Variants in ZBTB7C observed in about 807,000 individuals in gnomAD.
The protein encoded by ZBTB7C is zinc finger and BTB domain-containing protein 7C.
ZBTB7C carries 8 observed loss-of-function variants against 25.7 expected under a neutral mutation model. The observed-to-expected ratio is 0.31, with a 90% CI of 0.18 to 0.56. The LOEUF is 0.56. ZBTB7C is among the 20% of genes least tolerant of loss of function. The pLI, the probability that ZBTB7C is intolerant of heterozygous loss-of-function variation, is 0.91. For missense variants in ZBTB7C, 824 were observed against 855.2 expected, an observed-to-expected ratio of 0.96 and a Z score of 0.46; for synonymous variants, 394 against 369.0, an observed-to-expected ratio of 1.07 and a Z score of -0.78.
intron 3 of ZBTB7C, among the ~76,000 whole-genome samples, chr18:48,084,998 C>T (rs1045841536): frequency 9.2e-5 from 14 of 152,146 alleles, no homozygotes; most frequent in African/African-American, 3.4e-4. Context: ...CAAACCTGTA[C>T]TTTAGCCCAC....
intron 4 of ZBTB7C, among the ~76,000 whole-genome samples, chr18:48,039,267 A>T (rs1161494701): frequency 1.3e-5 from 2 of 152,196 alleles, no homozygotes; most frequent in East Asian, 3.9e-4. Flanking sequence ...ACCTACAGGC[A>T]TCTCTGCAGT....
intron 2 of ZBTB7C, among the ~76,000 whole-genome samples, chr18:48,218,079 G>C (rs1019293948): frequency 2.8e-4 from 42 of 152,280 alleles, no homozygotes; most frequent in African/African-American, 9.4e-4. Flanking sequence ...GCACCTGCAA[G>C]TCCAGGGTGC....
intron 4 of ZBTB7C, among the ~76,000 whole-genome samples, chr18:48,039,592 G>GAAGA (rs2036125778): frequency 1.3e-5 from 2 of 152,242 alleles, no homozygotes; most frequent in Non-Finnish European, 2.9e-5. Flanking sequence ...GCTGGAAGGA[G>GAAGA]AAGAGGAAGC....
intron 2 of ZBTB7C, among the ~76,000 whole-genome samples, chr18:48,293,555 A>G (rs1290509611): frequency 6.6e-6 from 1 of 152,186 alleles, no homozygotes; most frequent in Non-Finnish European, 1.5e-5. Flanking sequence ...TGGGGGAGAT[A>G]CTAATAAACT....
chr18:48,380,389 GT>G (rs1424496634), intron 1 of ZBTB7C, among the ~76,000 whole-genome samples: 1 of 152,202 alleles, frequency 6.6e-6, no homozygotes, highest in Admixed American at 6.5e-5. Flanking sequence ...GGAATGGGAA[GT>G]TACAAATAAG....
chr18:48,284,520 G>A (rs1162643434), intron 2 of ZBTB7C, among the ~76,000 whole-genome samples: 3 of 151,968 alleles, frequency 2.0e-5, no homozygotes, highest in Middle Eastern at 3.2e-3. Flanking sequence ...CCGGCTGGGC[G>A]TGGTGGCTTA....
At chr18:48,216,720 G>A (rs930711322) in intron 2 of ZBTB7C, among the ~76,000 whole-genome samples, 1 of 152,026 alleles carries the variant, frequency 6.6e-6, no homozygotes, top group Non-Finnish European at 1.5e-5. Context: ...TCCTGAGCCC[G>A]CTCAGTCCAT....
At chr18:48,207,839 AC>A (rs1599104184) in intron 2 of ZBTB7C, among the ~76,000 whole-genome samples, 1 of 152,232 alleles carries the variant, frequency 6.6e-6, no homozygotes, top group East Asian at 1.9e-4. Context: ...AAACTGCTGT[AC>A]AATGATACAA....
intron 3 of ZBTB7C, among the ~76,000 whole-genome samples, chr18:48,177,472 C>T (rs768388125): frequency 6.6e-6 from 1 of 152,206 alleles, no homozygotes; most frequent in Admixed American, 6.5e-5. Flanking sequence ...CATCTCTCCT[C>T]TTCCAGGGAA....
intron 2 of ZBTB7C, among the ~76,000 whole-genome samples, chr18:48,279,158 C>T (rs568973689): frequency 6.6e-6 from 1 of 152,058 alleles, no homozygotes; most frequent in Non-Finnish European, 1.5e-5. Flanking sequence ...CCCCCCGGCA[C>T]CCCCACTCCT....
intron 2 of ZBTB7C, among the ~76,000 whole-genome samples, chr18:48,297,957 A>G (rs982159719): frequency 3.3e-5 from 5 of 152,274 alleles, no homozygotes; most frequent in Middle Eastern, 3.4e-3. Flanking sequence ...TTGTCTGTGC[A>G]GTCACTGAGT....
intron 2 of ZBTB7C, among the ~76,000 whole-genome samples, chr18:48,297,707 C>T (rs751157674): frequency 3.9e-5 from 6 of 152,194 alleles, no homozygotes; most frequent in South Asian, 2.1e-4. Context: ...GTCAGAAGTG[C>T]CATACATCAC....
chr18:48,244,084 A>G (rs545482257), intron 2 of ZBTB7C, among the ~76,000 whole-genome samples: 3 of 152,330 alleles, frequency 2.0e-5, no homozygotes, highest in African/African-American at 7.2e-5. Context: ...AGAAGATAAC[A>G]TCACAAAAAC....
At chr18:48,206,061 G>A (rs1480199656) in intron 2 of ZBTB7C, among the ~76,000 whole-genome samples, 1 of 152,164 alleles carries the variant, frequency 6.6e-6, no homozygotes, top group Non-Finnish European at 1.5e-5. Context: ...TTGTTCCCTT[G>A]TGTTTGTGTA....
intron 1 of ZBTB7C, among the ~76,000 whole-genome samples, chr18:48,350,272 C>T (rs898018130): frequency 3.3e-5 from 5 of 152,152 alleles, no homozygotes; most frequent in Non-Finnish European, 7.3e-5. Flanking sequence ...GGAGGAACAT[C>T]TCCTTGCCTT....
intron 1 of ZBTB7C, among the ~76,000 whole-genome samples, chr18:48,369,954 G>A (rs1285497526): frequency 6.6e-6 from 1 of 152,080 alleles, no homozygotes; most frequent in Non-Finnish European, 1.5e-5. Context: ...TTATTCTCAG[G>A]TGGCCCCAGG....
intron 3 of ZBTB7C, among the ~76,000 whole-genome samples, chr18:48,159,030 C>G (rs1324547213): frequency 6.6e-6 from 1 of 152,056 alleles, no homozygotes; most frequent in Non-Finnish European, 1.5e-5. Flanking sequence ...CTTCCATCTT[C>G]CTCAGCCCCT....
At chr18:48,178,063 G>A (rs976347900) in intron 3 of ZBTB7C, among the ~76,000 whole-genome samples, 1 of 150,262 alleles carries the variant, frequency 6.7e-6, no homozygotes, top group East Asian at 1.9e-4. Context: ...TAGTGCCCCT[G>A]GGTGTAACAG....
At chr18:48,089,091 C>T in intron 3 of ZBTB7C, among the ~76,000 whole-genome samples, 1 of 152,158 alleles carries the variant, frequency 6.6e-6, no homozygotes, top group East Asian at 1.9e-4. Flanking sequence ...AAAGACAAAG[C>T]CCTAAACTAA....
Sources: allele counts gnomAD v4.1 joint callset (sites outside exome capture counted in the v4.1 genomes callset), GRCh38; gene constraint gnomAD v4.1.1; transcripts MANE v1.5; gene names NCBI Gene and HGNC (gene_info 2026-07-23, HGNC 2026-07-21).